TECR: variants seen among roughly 807,000 people sequenced by gnomAD.
TECR encodes the protein very-long-chain enoyl-CoA reductase.
A neutral mutation model predicts 50.6 loss-of-function variants in TECR; 19 were observed. That is an observed-to-expected ratio of 0.38 (90% CI 0.26 to 0.55). The LOEUF is 0.55. Among genes scored for constraint, TECR ranks in the 20% least tolerant of loss-of-function variants. The pLI is 0.79. For missense variants in TECR, 313 were observed against 408.3 expected (o/e 0.77, Z 2.01); for synonymous variants, 168 against 163.5 (o/e 1.03, Z -0.21).
chr19:14,531,623 T>C (rs1320585405), intron 1 of TECR: 1 of 152,142 alleles, frequency 6.6e-6, no homozygotes, highest in Admixed American at 6.6e-5. Context: ...GGTTTCTCCA[T>C]GTTGGTCAGG....
intron 1 of TECR, among the ~76,000 whole-genome samples, chr19:14,553,933 C>G (rs1411016043): frequency 6.6e-6 from 1 of 152,182 alleles, no homozygotes; most frequent in Admixed American, 6.5e-5. Flanking sequence ...GCTCGCACCC[C>G]CAGCCAGGCC....
At position 14,535,710 on chromosome 19, in the gene TECR, C is replaced by T. The variant is rs1172519465; in HGVS notation, c.15+5999C>T. 2.9e-5 allele frequency among the ~76,000 whole-genome samples: 4 copies of T among 136,362 alleles called. No individual in the cohort carries two copies. The Middle Eastern group carries it at 0.011, about 387-fold the overall frequency. 89.5% of individuals were successfully genotyped at this position (136,362 alleles called of 152,430 possible). ...GTGGAGGTCGCGGACGAGCTGAGAT[C>T]GCACCACTGCATTCCGGTCCTGGGC... On this transcript the variant is annotated intron_variant, in intron 1 of 12. Transcript: ENST00000215567.
At position 14,564,838 on chromosome 19, in the gene TECR, A is replaced by G; in HGVS notation, c.542A>G (p.His181Arg). 6.2e-7 allele frequency: 1 copy of G among 1,612,640 alleles called. No homozygotes were observed. Among genetic ancestry groups the G allele is most frequent in the Non-Finnish European group, 8.5e-7 (1 of 1,179,726 alleles). The part of the protein sequence containing the change: ...FAAWMAYYIN[H>R]PLYTPPTYGA... ...GCGTGGATGGCCTATTACATCAATCACCCTCTCTACACTCCCCCTAGTAAG... is the reference window on the plus strand; with the variant it reads ...GCGTGGATGGCCTATTACATCAATCGCCCTCTCTACACTCCCCCTAGTAAG... Residue 181 changes from histidine (H) to arginine (R), a missense_variant, in exon 8 of 13, where the codon CAC becomes CGC. By Grantham distance (29) the His-to-Arg change is conservative. Transcript: ENST00000215567.
In TECR at chr19:14,563,641, C is replaced by T. The variant is rs923770946; in HGVS notation, c.119-17C>T. 8 of 1,610,986 alleles carry T rather than the reference C, an allele frequency of 5.0e-6. No homozygotes were observed. In the Admixed American group the frequency reaches 5.0e-5, roughly 10 times the overall value. On this transcript the variant is annotated splice_polypyrimidine_tract_variant and intron_variant, in intron 3 of 12. Coordinates refer to ENST00000215567, the MANE Select transcript of TECR (RefSeq NM_138501.6). This position sits in a 1 kb window ranked among gnomAD's most constrained non-coding sequence, Gnocchi z 5.3. ...CCTGCCAGGCTGTGGGCTGTAACTG[C>T]CCTGTTCTCCCCGCAGATCCGCAGT...
At chr19:14,564,567 C>G (rs1440413024) in intron 7 of TECR, 1 of 581,234 alleles carries the variant, frequency 1.7e-6, no homozygotes. Context: ...CCTGCAGAGC[C>G]CCGCCCCAGT....
intron 7 of TECR, 85 bp downstream of exon 7, chr19:14,564,372 C>T (rs2073998885): frequency 8.9e-7 from 1 of 1,125,940 alleles, no homozygotes; most frequent in African/African-American, 1.6e-5. Context: ...CCCCAAGGCC[C>T]TTCCTGTCTG....
chr19:14,542,491 A>G (rs539202003), intron 1 of TECR, among the ~76,000 whole-genome samples: 1 of 149,824 alleles, frequency 6.7e-6, no homozygotes, highest in South Asian at 2.1e-4. Context: ...CCTCCTGAGT[A>G]GCTGGGATTA....
intron 1 of TECR, among the ~76,000 whole-genome samples, chr19:14,542,353 T>G (rs1454230186): frequency 3.9e-5 from 3 of 77,838 alleles, no homozygotes; most frequent in South Asian, 8.3e-4. Context: ...TAGTGTTTTT[T>G]TTTTTTTTTT....
intron 9 of TECR, 35 bp downstream of exon 9, chr19:14,565,027 A>T: frequency 6.2e-7 from 1 of 1,613,338 alleles, no homozygotes; most frequent in Non-Finnish European, 8.5e-7. Flanking sequence ...GGGTCGGGGG[A>T]GTCTGGGCGG....
chr19:14,529,082 G>C (rs1401644513), upstream of TECR: 1 of 156,146 alleles, frequency 6.4e-6, no homozygotes, highest in African/African-American at 2.4e-5. Context: ...ACTCCGTTTC[G>C]CCTTTCCTTC....
intron 1 of TECR, chr19:14,562,320 TG>T: frequency 1.5e-6 from 1 of 655,342 alleles, no homozygotes; most frequent in Admixed American, 2.4e-5. Context: ...AGGTCGGTGG[TG>T]GGGGCTGACG....
chr19:14,562,060 CAA>C, intron 1 of TECR: 1 of 373,070 alleles, frequency 2.7e-6, no homozygotes, highest in Non-Finnish European at 5.0e-6. Flanking sequence ...GGTGACCACT[CAA>C]AAGCTGCTTT....
chr19:14,537,625 C>T (rs1057048819), intron 1 of TECR, among the ~76,000 whole-genome samples: 1 of 152,064 alleles, frequency 6.6e-6, no homozygotes, highest in African/African-American at 2.4e-5. Context: ...TTAACACCTT[C>T]TTGCTGATAC....
At chr19:14,530,150 T>G in intron 1 of TECR, 1 of 203,372 alleles carries the variant, frequency 4.9e-6, no homozygotes, top group Non-Finnish European at 1.0e-5. Context: ...TTTGGACCCC[T>G]TCCCTCGCCC....
upstream of TECR, chr19:14,529,348 A>G (rs2072519684): frequency 1.1e-5 from 5 of 462,804 alleles, no homozygotes; most frequent in South Asian, 1.2e-4. Context: ...GGGCGTGGCA[A>G]AGGGACGCGC....
At chr19:14,562,406 A>G in intron 1 of TECR, 119 bp from the exon 2 acceptor site, 1 of 1,077,824 alleles carries the variant, frequency 9.3e-7, no homozygotes, top group East Asian at 2.4e-5. Context: ...ATGGACTTGA[A>G]CTTGAGCTTG....
intron 1 of TECR, chr19:14,533,881 C>T (rs1393141115): frequency 6.6e-6 from 1 of 152,120 alleles, no homozygotes; most frequent in East Asian, 1.9e-4. Context: ...TCCTAGGATA[C>T]AGTATTTTTT....
intron 1 of TECR, among the ~76,000 whole-genome samples, chr19:14,548,183 C>T (rs1043348719): frequency 3.3e-5 from 5 of 151,650 alleles, no homozygotes; most frequent in East Asian, 1.9e-4. Flanking sequence ...AGGATCGTGT[C>T]GATCTCCTGA....
At position 14,565,021 on chromosome 19, in the gene TECR, C is replaced by G. The variant is rs769067843; in HGVS notation, c.606+29C>G. 4 of 1,613,846 alleles carry G rather than the reference C, an allele frequency of 2.5e-6. No individual in the cohort carries two copies. The South Asian group carries it at 3.3e-5, about 13-fold the overall frequency. On this transcript the variant is annotated intron_variant, in intron 9 of 12. Coordinates refer to ENST00000215567, the MANE Select transcript of TECR (RefSeq NM_138501.6). ...AGGAGGCTGGGTGTGGGGACGGGGT[C>G]GGGGGAGTCTGGGCGGCCCTAGGCT... is the stretch of plus-strand genomic sequence containing the variant.
Sources: gnomAD v4.1 joint callset for allele counts (sites outside exome capture counted in the v4.1 genomes callset) on GRCh38, gnomAD v4.1.1 for gene constraint, Gnocchi (gnomAD v3.1) non-coding constraint, MANE v1.5 for transcripts, NCBI Gene and HGNC (gene_info 2026-07-23, HGNC 2026-07-21) for gene names.